Variants in AGBL1 observed in about 807,000 individuals in gnomAD.
AGBL1 encodes the protein AGBL carboxypeptidase 1.
Under a neutral mutation model 118.9 loss-of-function variants are expected in AGBL1, and 130 were observed. The observed-to-expected ratio is 1.09, with a 90% CI of 0.95 to 1.26. The LOEUF is 1.26. Ranked by LOEUF, AGBL1 falls within the 50% of genes most tolerant of loss-of-function variation. The pLI, the probability that AGBL1 is intolerant of heterozygous loss-of-function variation, is 0.00. For missense variants in AGBL1, 1,584 were observed against 1,298.1 expected (o/e 1.22, Z -3.38); for synonymous variants, 555 against 478.9 (o/e 1.16, Z -2.08).
intron 22 of AGBL1, among the ~76,000 whole-genome samples, chr15:86,785,311 C>A (rs1381852384): frequency 6.8e-6 from 1 of 147,992 alleles, no homozygotes; most frequent in Non-Finnish European, 1.5e-5. Flanking sequence ...TCCTTTAGGA[C>A]TTTTTCTGAT....
chr15:86,610,709 C>T (rs1048079100), intron 21 of AGBL1, among the ~76,000 whole-genome samples: 4 of 152,190 alleles, frequency 2.6e-5, no homozygotes, highest in African/African-American at 7.2e-5. Flanking sequence ...TTTGTTGAGA[C>T]GTTCCAAGGT....
chr15:86,819,905 C>T (rs181200739), intron 22 of AGBL1, among the ~76,000 whole-genome samples: 181 of 152,240 alleles, frequency 1.2e-3, no homozygotes, highest in Middle Eastern at 3.4e-3. Context: ...TACAAGGCTA[C>T]GGTAACCAAA....
chr15:86,636,758 T>TATATATATATATATATAC (rs780288036), intron 21 of AGBL1, among the ~76,000 whole-genome samples: 2 of 29,984 alleles, frequency 6.7e-5, no homozygotes, highest in Admixed American at 4.6e-4. Flanking sequence ...TATATATATA[T>TATATATATATATATATAC]ACACATACAT....
chr15:86,660,471 TAGGG>T (rs2085521302), intron 21 of AGBL1, among the ~76,000 whole-genome samples: 1 of 152,182 alleles, frequency 6.6e-6, no homozygotes, highest in South Asian at 2.1e-4. Context: ...TACACTTTGG[TAGGG>T]GACGTTTGCT....
chr15:86,827,430 CACATATATATATGT>C (rs2079036258), intron 22 of AGBL1, among the ~76,000 whole-genome samples: 2 of 3,940 alleles, frequency 5.1e-4, no homozygotes, highest in East Asian at 0.048. Flanking sequence ...TATATATATA[CACATATATATATGT>C]GTGTGTATAT....
chr15:86,940,060 CTTTTTTTTTTTT>C (rs5814267), intron 23 of AGBL1, among the ~76,000 whole-genome samples: 2 of 59,454 alleles, frequency 3.4e-5, no homozygotes, highest in South Asian at 1.6e-3. Flanking sequence ...TTTGGTAGTC[CTTTTTTTTTTTT>C]TTTTTTTTTT....
chr15:86,109,432 C>T (rs1017562469), intron 1 of AGBL1, among the ~76,000 whole-genome samples: 4 of 152,062 alleles, frequency 2.6e-5, no homozygotes, highest in Non-Finnish European at 5.9e-5. Context: ...CTTTATAATC[C>T]TTTTTTCTCA....
intron 22 of AGBL1, among the ~76,000 whole-genome samples, chr15:86,763,487 T>C (rs891695934): frequency 6.6e-6 from 1 of 151,960 alleles, no homozygotes; most frequent in African/African-American, 2.4e-5. Context: ...GATGGGGAGA[T>C]AGATGATGGG....
At chr15:86,694,887 G>A (rs2086230230) in intron 22 of AGBL1, among the ~76,000 whole-genome samples, 1 of 151,964 alleles carries the variant, frequency 6.6e-6, no homozygotes, top group South Asian at 2.1e-4. Context: ...TTTATATGGT[G>A]TATCACATTT....
intron 17 of AGBL1, among the ~76,000 whole-genome samples, chr15:86,314,415 A>T (rs1263863748): frequency 6.6e-6 from 1 of 152,172 alleles, no homozygotes; most frequent in East Asian, 1.9e-4. Context: ...ACATTAAAAA[A>T]GGGCATGGTG....
chr15:86,465,644 G>C (rs576373444), intron 18 of AGBL1, among the ~76,000 whole-genome samples: 19 of 152,322 alleles, frequency 1.2e-4, no homozygotes, highest in African/African-American at 4.3e-4. Context: ...TTATGCAGTT[G>C]TAGATAAGGG....
At chr15:86,201,886 A>G (rs2077912837) in intron 5 of AGBL1, among the ~76,000 whole-genome samples, 1 of 152,226 alleles carries the variant, frequency 6.6e-6, no homozygotes, top group Admixed American at 6.5e-5. Flanking sequence ...TAGGCAACTC[A>G]CACAAGGACA....
chr15:86,746,319 G>A (rs951843298), intron 22 of AGBL1, among the ~76,000 whole-genome samples: 6 of 152,068 alleles, frequency 3.9e-5, no homozygotes, highest in African/African-American at 1.4e-4. Context: ...CATGACATAT[G>A]TCTCTTGCCT....
intron 15 of AGBL1, among the ~76,000 whole-genome samples, chr15:86,274,840 T>C (rs572801241): frequency 6.6e-6 from 1 of 152,272 alleles, no homozygotes; most frequent in South Asian, 2.1e-4. Flanking sequence ...ACTATCTAGA[T>C]AATAATCATT....
rs35033495 is a variant in AGBL1 at position 86,196,230 on chromosome 15, G to A, written c.489-28684G>A. ...AAGAAATCTTATTTCATGCAACTGA[G>A]TTCAGATGTAGGATGGACGTCAGGG... On this transcript the variant is annotated intron_variant, in intron 5 of 22. Coordinates refer to ENST00000614907, the MANE Select transcript of AGBL1 (RefSeq NM_001386094.1). Among the ~76,000 whole-genome samples the A allele has an allele frequency of 4.7e-3, 717 of 152,272 alleles. 8 individuals are homozygous for A. The highest frequency in any genetic ancestry group is 0.016 in the African/African-American group (685 of 41,562).
intron 22 of AGBL1, among the ~76,000 whole-genome samples, chr15:86,855,876 A>G (rs561930494): frequency 2.0e-5 from 3 of 152,314 alleles, no homozygotes; most frequent in Admixed American, 1.3e-4. Context: ...AGAGGGGTTC[A>G]TCGTGTCGTC....
chr15:86,416,294 T>G (rs1410988671), intron 18 of AGBL1, among the ~76,000 whole-genome samples: 1 of 152,242 alleles, frequency 6.6e-6, no homozygotes, highest in Non-Finnish European at 1.5e-5. Flanking sequence ...AGAGATTTGA[T>G]GCTAGCATAG....
intron 22 of AGBL1, among the ~76,000 whole-genome samples, chr15:86,862,315 TGATAAGTCCTACA>T (rs1404613317): frequency 4.6e-5 from 7 of 152,230 alleles, no homozygotes; most frequent in African/African-American, 1.7e-4. Flanking sequence ...TTAGTATTAC[TGATAAGTCCTACA>T]GATAAGGCTG....
intron 3 of AGBL1, among the ~76,000 whole-genome samples, chr15:86,149,834 GCAC>G (rs2141673403): frequency 6.6e-6 from 1 of 152,210 alleles, no homozygotes; most frequent in South Asian, 2.1e-4. Flanking sequence ...ATTCTTCTCA[GCAC>G]CACATCACAT....
Sources: allele counts gnomAD v4.1 joint callset (sites outside exome capture counted in the v4.1 genomes callset), GRCh38; gene constraint gnomAD v4.1.1; transcripts MANE v1.5; gene names NCBI Gene and HGNC (gene_info 2026-07-23, HGNC 2026-07-21).